Variants in RAPGEF6 observed in about 807,000 individuals in gnomAD.
The protein encoded by RAPGEF6 is Rap guanine nucleotide exchange factor 6, also known as PDZ domain containing guanine nucleotide exchange factor (GEF) 2.
RAPGEF6 carries 56 observed loss-of-function variants against 171.4 expected under a neutral mutation model. The ratio of observed to expected loss-of-function variants is 0.33; its 90% CI spans 0.26 to 0.41. The LOEUF is 0.41. Ranked by LOEUF, RAPGEF6 falls within the 10% of genes least tolerant of loss-of-function variation. The pLI is 1.00. For missense variants in RAPGEF6, 1,674 were observed against 1,921.4 expected (o/e 0.87, Z 2.41); for synonymous variants, 692 against 650.1 (o/e 1.06, Z -0.98).
chr5:131,630,862 A>G (rs1416302987), intron 1 of RAPGEF6, among the ~76,000 whole-genome samples: 1 of 152,182 alleles, frequency 6.6e-6, no homozygotes, highest in African/African-American at 2.4e-5. Flanking sequence ...ACTAATTCTC[A>G]TCCCTTTGTA....
At chr5:131,624,539 C>A (rs1290930658) in intron 1 of RAPGEF6, among the ~76,000 whole-genome samples, 1 of 152,170 alleles carries the variant, frequency 6.6e-6, no homozygotes, top group Non-Finnish European at 1.5e-5. Flanking sequence ...TACACCTGTA[C>A]TCCCAGCTAC....
At chr5:131,583,923 G>A (rs910446475) in intron 4 of RAPGEF6, among the ~76,000 whole-genome samples, 1 of 152,136 alleles carries the variant, frequency 6.6e-6, no homozygotes, top group African/African-American at 2.4e-5. Flanking sequence ...GCAAGAAGCT[G>A]AATGAGAAAA....
intron 1 of RAPGEF6, among the ~76,000 whole-genome samples, chr5:131,628,888 A>T (rs1007859778): frequency 2.0e-4 from 31 of 152,272 alleles, no homozygotes; most frequent in African/African-American, 5.8e-4. Flanking sequence ...CACTGATGAG[A>T]CCCACTGCTC....
At chr5:131,445,491 C>G (rs1752622202) in intron 22 of RAPGEF6, among the ~76,000 whole-genome samples, 1 of 80,814 alleles carries the variant, frequency 1.2e-5, no homozygotes. Flanking sequence ...TTAACTCACT[C>G]TCTGTGTGTG....
intron 9 of RAPGEF6, among the ~76,000 whole-genome samples, chr5:131,506,003 G>C (rs1757349002): frequency 6.6e-6 from 1 of 152,128 alleles, no homozygotes; most frequent in Admixed American, 6.5e-5. Flanking sequence ...AAAAAAAATA[G>C]ATAGCTAATG....
intron 4 of RAPGEF6, among the ~76,000 whole-genome samples, chr5:131,588,832 G>A (rs1478135101): frequency 6.6e-6 from 1 of 151,854 alleles, no homozygotes; most frequent in South Asian, 2.1e-4. Flanking sequence ...TAGCACTCTG[G>A]GAGGCCAAGG....
rs143846408 is a variant in RAPGEF6 at position 131,524,633 on chromosome 5, A to T, written c.496-3112T>A. 2.7e-5 allele frequency among the ~76,000 whole-genome samples: 4 copies of T among 150,584 alleles called. No individual in the cohort carries two copies. In the East Asian group the frequency reaches 5.9e-4, roughly 22 times the overall value. Reference sequence around the variant, plus strand: ...TTGAGAGAGAGAGAGAGAGAGAGAGAGAGAGAGAGACTTGCTCTGTCACCT... The same window carrying T: ...TTGAGAGAGAGAGAGAGAGAGAGAGTGAGAGAGAGACTTGCTCTGTCACCT... On this transcript the variant is annotated intron_variant, in intron 6 of 27. Transcript: ENST00000509018.
At chr5:131,603,672 C>T (rs1203519058) in intron 2 of RAPGEF6, among the ~76,000 whole-genome samples, 2 of 151,998 alleles carry the variant, frequency 1.3e-5, no homozygotes, top group Non-Finnish European at 2.9e-5. Flanking sequence ...CAGTTACTGG[C>T]AGAGGCATGT....
intron 3 of RAPGEF6, among the ~76,000 whole-genome samples, chr5:131,601,434 G>A (rs1764252086): frequency 6.9e-6 from 1 of 144,434 alleles, no homozygotes; most frequent in Non-Finnish European, 1.5e-5. Flanking sequence ...ATAGATAATA[G>A]ACTAGACATA....
intron 27 of RAPGEF6, 72 bp from the exon 28 acceptor site, chr5:131,427,363 T>G: frequency 7.7e-7 from 1 of 1,306,378 alleles, no homozygotes. Flanking sequence ...TAGTTATCTA[T>G]TTAGAAAATC....
At chr5:131,617,310 A>C (rs955671408) in intron 1 of RAPGEF6, among the ~76,000 whole-genome samples, 3 of 22,902 alleles carry the variant, frequency 1.3e-4, no homozygotes, top group East Asian at 1.6e-3. Flanking sequence ...ACACACACAA[A>C]AAAAAACCCA....
intron 18 of RAPGEF6, among the ~76,000 whole-genome samples, chr5:131,463,076 G>C (rs560318971): frequency 3.3e-4 from 51 of 152,274 alleles, no homozygotes; most frequent in Non-Finnish European, 5.4e-4. Flanking sequence ...TTCAGGTAGA[G>C]AAGCTACATA....
chr5:131,435,762 A>C, intron 24 of RAPGEF6: 1 of 1,171,338 alleles, frequency 8.5e-7, no homozygotes, highest in Non-Finnish European at 1.1e-6. Flanking sequence ...TACAGAAAAC[A>C]AGAGTATAAA....
intron 4 of RAPGEF6, among the ~76,000 whole-genome samples, chr5:131,574,440 CG>C (rs1762486055): frequency 6.6e-6 from 1 of 152,034 alleles, no homozygotes; most frequent in South Asian, 2.1e-4. Context: ...TTAATCAATA[CG>C]GGGGCTACCC....
intron 4 of RAPGEF6, among the ~76,000 whole-genome samples, chr5:131,571,879 T>C (rs958299467): frequency 6.6e-6 from 1 of 152,138 alleles, no homozygotes; most frequent in African/African-American, 2.4e-5. Context: ...TGTGATAATG[T>C]ACCCTTGTGA....
chr5:131,608,807 C>T (rs530582069), intron 1 of RAPGEF6, among the ~76,000 whole-genome samples: 1 of 151,994 alleles, frequency 6.6e-6, no homozygotes, highest in East Asian at 1.9e-4. Context: ...TCCCTTACCA[C>T]GTGATCTCTT....
intron 2 of RAPGEF6, 82 bp downstream of exon 2, chr5:131,604,541 T>C (rs1764434491): frequency 1.4e-6 from 2 of 1,462,356 alleles, no homozygotes; most frequent in East Asian, 4.6e-5. Context: ...ATAAGGAATA[T>C]AAAGGTGCTT....
chr5:131,463,899 C>G, intron 18 of RAPGEF6, 142 bp downstream of exon 18: 1 of 1,397,700 alleles, frequency 7.2e-7, no homozygotes, highest in Non-Finnish European at 9.3e-7. Flanking sequence ...GCAGGAGTGA[C>G]AAGATATTTT....
intron 9 of RAPGEF6, 106 bp downstream of exon 9, chr5:131,507,965 A>G (rs1757473292): frequency 9.5e-7 from 1 of 1,052,682 alleles, no homozygotes; most frequent in Non-Finnish European, 1.3e-6. Context: ...AAATCTGTAT[A>G]AATTTCAAAA....
Sources: allele counts gnomAD v4.1 joint callset (sites outside exome capture counted in the v4.1 genomes callset), GRCh38; gene constraint gnomAD v4.1.1; transcripts MANE v1.5; gene names NCBI Gene and HGNC (gene_info 2026-07-23, HGNC 2026-07-21).